MAK16: variants seen among roughly 807,000 people sequenced by gnomAD.
MAK16 encodes the protein protein MAK16 homolog.
In MAK16, 12 loss-of-function variants were observed where a neutral mutation model predicts 49.9. That is an observed-to-expected ratio of 0.24 (90% CI 0.15 to 0.39). MAK16 has a LOEUF of 0.39. MAK16 is among the 10% of genes least tolerant of loss of function. The pLI is 1.00. For missense variants in MAK16, 292 were observed against 363.7 expected (o/e 0.80, Z 1.60); for synonymous variants, 115 against 126.4 (o/e 0.91, Z 0.60).
chr8:33,499,007 G>T lies in MAK16; in HGVS notation c.*378G>T. 2 of 635,556 alleles carry T rather than the reference G, an allele frequency of 3.1e-6. No homozygotes were observed. Among genetic ancestry groups the T allele is most frequent in the Non-Finnish European group, 5.4e-6 (2 of 367,140 alleles). The allele number at this position is 635,556 out of a possible 1,614,324, so 39.4% of individuals were successfully genotyped here. A position where few individuals can be genotyped will look rare whatever the true frequency, so the allele number is the denominator to read the frequency against. ...AATGGAAGGAGTTCAATTTTTTCTT[G>T]TTCTACTTTCCCTATTCTTATGGAG... is the stretch of plus-strand genomic sequence containing the variant. On this transcript the variant is annotated 3_prime_UTR_variant, in exon 10 of 10. Coordinates refer to ENST00000360128, the MANE Select transcript of MAK16 (RefSeq NM_032509.4).
rs73593829 is a variant in MAK16, at chr8:33,487,204, T to C, written c.16-1174T>C. Among the ~76,000 whole-genome samples the C allele has an allele frequency of 2.8e-3, 426 of 152,268 alleles. 2 individuals carry two copies. The highest frequency in any genetic ancestry group is 9.9e-3 in the African/African-American group (410 of 41,554). On this transcript the variant is annotated intron_variant, in intron 1 of 9. Transcript: ENST00000360128. ...TTTACATATCTTTCCCCTAACTAGA[T>C]AGACGAAACTCTTTAAAGAGTATAC...
At chr8:33,486,039 A>C (rs765468667) in intron 1 of MAK16, among the ~76,000 whole-genome samples, 2 of 151,972 alleles carry the variant, frequency 1.3e-5, no homozygotes, top group Non-Finnish European at 2.9e-5. Flanking sequence ...GTAAAGTACA[A>C]AGAGTTGAAG....
At chr8:33,485,997 C>G (rs1422523523) in intron 1 of MAK16, among the ~76,000 whole-genome samples, 2 of 151,972 alleles carry the variant, frequency 1.3e-5, no homozygotes, top group African/African-American at 4.8e-5. Context: ...CACTGAGGAG[C>G]TGAGGAAAAA....
rs918524916 is a variant in MAK16 at position 33,489,099 on chromosome 8, C to G, written c.352C>G (p.Gln118Glu). 1.9e-6 allele frequency: 3 copies of G among 1,613,016 alleles called. No individual in the cohort carries two copies. In the African/African-American group the frequency reaches 4.0e-5, roughly 22 times the overall value. The change falls in exon 5 of 10, where the codon CAA (glutamine) becomes GAA (glutamate). Residue 118 changes from glutamine (Q) to glutamate (E), a missense_variant. Physicochemically the swap from Gln to Glu is conservative, Grantham distance 29. Coordinates refer to ENST00000360128, the MANE Select transcript of MAK16 (RefSeq NM_032509.4). This position sits in a 1 kb window ranked among gnomAD's most constrained non-coding sequence, Gnocchi z 4.2. ...KCKQRFTKITQYLIRIRKLTL... is the reference protein window; with the variant it reads ...KCKQRFTKITEYLIRIRKLTL... ...TAAGCAGAGATTCACCAAGATCACC[C>G]AATACCTAATTCGAATTAGAAAACT...
intron 6 of MAK16, among the ~76,000 whole-genome samples, chr8:33,490,959 C>T (rs1291763353): frequency 3.3e-5 from 5 of 152,118 alleles, no homozygotes. Flanking sequence ...CTCTGGTAAC[C>T]ATCCTTCTAC....
intron 6 of MAK16, among the ~76,000 whole-genome samples, chr8:33,492,672 T>C (rs1438209448): frequency 1.3e-5 from 2 of 152,200 alleles, no homozygotes; most frequent in South Asian, 2.1e-4. Context: ...CTAGTGTATG[T>C]TCGTGGCACG....
intron 7 of MAK16, 61 bp downstream of exon 7, chr8:33,495,677 T>C: frequency 1.5e-6 from 1 of 671,326 alleles, no homozygotes. Flanking sequence ...TGCTAAGACA[T>C]ATTGGGAATT....
chr8:33,498,289 AAAATT>A, intron 9 of MAK16, 138 bp from the exon 10 acceptor site: 1 of 732,678 alleles, frequency 1.4e-6, no homozygotes. Context: ...AAAAAAAAAA[AAAATT>A]AAAGAAAGGG....
Position 33,498,536 on chromosome 8 carries a change from G to C in MAK16, c.810G>C (p.Met270Ile), listed in dbSNP as rs1563348698. 6.2e-7 allele frequency: 1 copy of C among 1,614,104 alleles called. No individual in the cohort carries two copies. Among genetic ancestry groups the C allele is most frequent in the East Asian group, 2.2e-5 (1 of 44,864 alleles). Reference sequence around the variant, plus strand: ...TTAGTGCGAAACACAAAGGCAAAATGCCCTTGAGAGGACCACTGCAGAGAA... The same window carrying C: ...TTAGTGCGAAACACAAAGGCAAAATCCCCTTGAGAGGACCACTGCAGAGAA... ...KALSAKHKGK[M>I]PLRGPLQRKR... The change falls in exon 10 of 10, where the codon ATG becomes ATC. Residue 270 changes from methionine (M) to isoleucine (I), a missense_variant. Physicochemically the swap from Met to Ile is conservative, Grantham distance 10 (BLOSUM62 1). Coordinates refer to ENST00000360128, the MANE Select transcript of MAK16 (RefSeq NM_032509.4).
At chr8:33,493,125 A>G (rs970426308) in intron 6 of MAK16, among the ~76,000 whole-genome samples, 4 of 152,050 alleles carry the variant, frequency 2.6e-5, no homozygotes, top group Non-Finnish European at 4.4e-5. Context: ...CCTCAGTAAA[A>G]TTTTTGAACA....
At chr8:33,493,995 C>T (rs776023364) in intron 6 of MAK16, among the ~76,000 whole-genome samples, 3 of 151,622 alleles carry the variant, frequency 2.0e-5, no homozygotes, top group African/African-American at 7.3e-5. Context: ...ACAGATTAAG[C>T]GTATTTATTT....
chr8:33,500,717 C>T lies in MAK16; in HGVS notation c.*2088C>T. The T allele has an allele frequency of 2.0e-6, 1 of 495,776 alleles. No individual in the cohort carries two copies. Among genetic ancestry groups the T allele is most frequent in the Non-Finnish European group, 3.6e-6 (1 of 275,334 alleles). 30.7% of individuals were successfully genotyped at this position (495,776 alleles called of 1,614,324 possible). A position where few individuals can be genotyped will look rare whatever the true frequency, so the allele number is the denominator to read the frequency against. On this transcript the variant is annotated 3_prime_UTR_variant, in exon 10 of 10. Transcript: ENST00000360128. ...ATACACACAGACACACCCTCTGCCA[C>T]ACTGCTCTCTTCCTTCCAGAAGCTT...
chr8:33,495,875 C>T (rs1466597830), intron 7 of MAK16, among the ~76,000 whole-genome samples: 1 of 151,504 alleles, frequency 6.6e-6, no homozygotes, highest in African/African-American at 2.4e-5. Flanking sequence ...ACCACTGCAC[C>T]CAGCTAATTT....
At position 33,491,682 on chromosome 8, in the gene MAK16, G is replaced by A. The variant is rs1252381864; in HGVS notation, c.447+1343G>A. Among the ~76,000 whole-genome samples the A allele has an allele frequency of 2.2e-5, 3 of 134,264 alleles. No homozygotes were observed. In the East Asian group the frequency reaches 6.6e-4, roughly 30 times the overall value. 88.1% of individuals were successfully genotyped at this position (134,264 alleles called of 152,430 possible). A position where few individuals can be genotyped will look rare whatever the true frequency, so the allele number is the denominator to read the frequency against. On this transcript the variant is annotated intron_variant, in intron 6 of 9. Transcript: ENST00000360128. ...AAGGTCTCACTCTATTGTCCAGGCT[G>A]GAGTGCAGTGGTGCGATCTTGGCTC...
intron 1 of MAK16, among the ~76,000 whole-genome samples, chr8:33,485,890 G>C (rs1808679772): frequency 6.6e-6 from 1 of 152,192 alleles, no homozygotes; most frequent in South Asian, 2.1e-4. Context: ...AGAAAGACCA[G>C]AGATGATGAA....
chr8:33,498,055 C>T (rs1808906895), intron 9 of MAK16, among the ~76,000 whole-genome samples: 1 of 148,946 alleles, frequency 6.7e-6, no homozygotes, highest in South Asian at 2.1e-4. Context: ...GAGAGCGCAC[C>T]ACTACACTCC....
At chr8:33,488,337 G>T in intron 1 of MAK16, 41 bp from the exon 2 acceptor site, 1 of 1,597,820 alleles carries the variant, frequency 6.3e-7, no homozygotes, top group East Asian at 2.2e-5. Context: ...AGTATCTCTT[G>T]GGGCAGAGGA....
intron 6 of MAK16, among the ~76,000 whole-genome samples, chr8:33,494,166 T>G (rs1808819963): frequency 6.6e-6 from 1 of 152,160 alleles, no homozygotes; most frequent in South Asian, 2.1e-4. Context: ...CTCCACCTCC[T>G]GGGTTCAAGC....
In MAK16 at chr8:33,500,493, G is replaced by A; in HGVS notation, c.*1864G>A. The A allele has an allele frequency of 6.2e-7, 1 of 1,613,868 alleles. No homozygotes were observed. Among genetic ancestry groups the A allele is most frequent in the Non-Finnish European group, 8.5e-7 (1 of 1,179,954 alleles). ...AGACCACAAGTCTGCAGGAAACTCT[G>A]GAATCAGGAAGAAAAGCTATGTTCA... On this transcript the variant is annotated 3_prime_UTR_variant, in exon 10 of 10. Transcript: ENST00000360128.
Sources: allele counts gnomAD v4.1 joint callset (sites outside exome capture counted in the v4.1 genomes callset), GRCh38; gene constraint gnomAD v4.1.1; non-coding constraint Gnocchi (gnomAD v3.1); transcripts MANE v1.5; gene names NCBI Gene and HGNC (gene_info 2026-07-23, HGNC 2026-07-21).